BAZ2B: variants seen among roughly 807,000 people sequenced by gnomAD.
BAZ2B encodes bromodomain adjacent to zinc finger domain 2B, also known as bromodomain adjacent to zinc finger domain protein 2B.
BAZ2B carries 91 observed loss-of-function variants against 246.0 expected under a neutral mutation model. The ratio of observed to expected loss-of-function variants is 0.37; its 90% CI spans 0.31 to 0.44. BAZ2B has a LOEUF of 0.44. Among genes scored for constraint, BAZ2B ranks in the 20% least tolerant of loss-of-function variants. The probability of loss-of-function intolerance (pLI) is 1.00; values close to 1 mark genes in which losing one functional copy is unlikely to be tolerated. For synonymous variants in BAZ2B, 855 were observed against 860.0 expected, an observed-to-expected ratio of 0.99 and a Z score of 0.10; for missense variants, 2,332 against 2,533.7, an observed-to-expected ratio of 0.92 and a Z score of 1.71.
intron 6 of BAZ2B, among the ~76,000 whole-genome samples, chr2:159,441,860 T>G (rs1268282813): frequency 6.6e-6 from 1 of 152,214 alleles, no homozygotes; most frequent in Non-Finnish European, 1.5e-5. Flanking sequence ...CTTATTAATT[T>G]TCCCCCATCC....
chr2:159,470,588 A>G (rs2077658699), intron 3 of BAZ2B, among the ~76,000 whole-genome samples: 2 of 152,248 alleles, frequency 1.3e-5, no homozygotes, highest in South Asian at 4.1e-4. Context: ...AACTGCAATG[A>G]TATAGACGAG....
chr2:159,636,519 C>T, the BAZ2B span, among the ~76,000 whole-genome samples: 1 of 152,222 alleles, frequency 6.6e-6, no homozygotes, highest in Non-Finnish European at 1.5e-5. Context: ...AGGGAAATCA[C>T]TCATCGCGGT....
chr2:159,399,229 T>C (rs944821026), intron 17 of BAZ2B, among the ~76,000 whole-genome samples: 56 of 151,856 alleles, frequency 3.7e-4, no homozygotes, highest in African/African-American at 1.3e-3. Flanking sequence ...TATGTCACAT[T>C]GTTTTTCTGA....
chr2:159,423,870 A>G (rs1037315965), intron 13 of BAZ2B, among the ~76,000 whole-genome samples: 3 of 152,160 alleles, frequency 2.0e-5, no homozygotes, highest in Non-Finnish European at 4.4e-5. Flanking sequence ...GAGCGGGGAA[A>G]GTGGTGGCGG....
At chr2:159,374,271 C>A (rs2061179465) in intron 26 of BAZ2B, among the ~76,000 whole-genome samples, 1 of 151,872 alleles carries the variant, frequency 6.6e-6, no homozygotes, top group South Asian at 2.1e-4. Flanking sequence ...AAATAAAACC[C>A]ACAAATATAC....
the BAZ2B span, among the ~76,000 whole-genome samples, chr2:159,625,220 T>C: frequency 7.9e-5 from 12 of 151,820 alleles, no homozygotes; most frequent in Non-Finnish European, 1.5e-5. Flanking sequence ...TGCCTGAAAA[T>C]AACAGAGAGA....
intron 8 of BAZ2B, among the ~76,000 whole-genome samples, chr2:159,436,164 G>A (rs868214911): frequency 6.6e-6 from 1 of 151,988 alleles, no homozygotes; most frequent in Non-Finnish European, 1.5e-5. Flanking sequence ...TTTTTTTATA[G>A]GTAGTAAGTT....
chr2:159,605,888 G>A (rs1159045783), intron 1 of BAZ2B, among the ~76,000 whole-genome samples: 2 of 152,118 alleles, frequency 1.3e-5, no homozygotes, highest in Admixed American at 1.3e-4. Context: ...GTTTTGGCAA[G>A]TGTACCTACA....
rs1185936799 is a variant in BAZ2B, at chr2:159,555,875, G to A, written c.-45-10C>T. ...ATCACTGTTGGGAAACCTGCAATAG[G>A]AAAACAAGAATTAGCAATCAGCTGA... On this transcript the variant is annotated splice_polypyrimidine_tract_variant and intron_variant, in intron 1 of 36. Transcript: ENST00000392783. 6.6e-6 allele frequency: 1 copy of A among 151,700 alleles called. No homozygotes were observed. Among genetic ancestry groups the A allele is most frequent in the African/African-American group, 2.4e-5 (1 of 41,144 alleles). The allele number at this position is 151,700 out of a possible 1,614,324, so 9.4% of individuals were successfully genotyped here.
In BAZ2B at chr2:159,404,836, T is replaced by G; in HGVS notation, c.2832+13A>C. On this transcript the variant is annotated intron_variant, in intron 16 of 36. Transcript: ENST00000392783. ...CCCATATTTTAAAAGTCACTTCCAATGTATACACATACCTGCTGTTTCATA... is the reference window on the plus strand; with the variant it reads ...CCCATATTTTAAAAGTCACTTCCAAGGTATACACATACCTGCTGTTTCATA... 6.2e-7 allele frequency: 1 copy of G among 1,607,872 alleles called. No individual in the cohort carries two copies. Among genetic ancestry groups the G allele is most frequent in the Non-Finnish European group, 8.5e-7 (1 of 1,176,562 alleles).
chr2:159,371,696 G>C (rs1375883123), intron 27 of BAZ2B, among the ~76,000 whole-genome samples: 1 of 152,174 alleles, frequency 6.6e-6, no homozygotes, highest in African/African-American at 2.4e-5. Context: ...CTATTTTAGT[G>C]TAATTCCCCT....
chr2:159,386,341 G>GC lies in BAZ2B; in HGVS notation c.3471+11_3471+12insG. 1 of 1,579,406 alleles carries GC rather than the reference G, an allele frequency of 6.3e-7. No homozygotes were observed. Among genetic ancestry groups the GC allele is most frequent in the Non-Finnish European group, 8.6e-7 (1 of 1,160,098 alleles). On this transcript the variant is annotated intron_variant, in intron 22 of 36. Coordinates refer to ENST00000392783, the MANE Select transcript of BAZ2B (RefSeq NM_013450.4). ...ACAAATTTAAAACATTTTATATTTT[G>GC]TTTTTTTTTACCTTGTATCCTGTTA...
intron 20 of BAZ2B, among the ~76,000 whole-genome samples, chr2:159,392,993 T>C (rs2063528020): frequency 1.5e-5 from 2 of 137,714 alleles, no homozygotes; most frequent in Non-Finnish European, 3.2e-5. Flanking sequence ...AAAAATTATC[T>C]AAAGGCTTTT....
intron 3 of BAZ2B, among the ~76,000 whole-genome samples, chr2:159,475,189 C>T (rs1462843977): frequency 9.9e-5 from 15 of 152,106 alleles, no homozygotes; most frequent in Non-Finnish European, 4.4e-5. Context: ...TTCAGGTGCA[C>T]CAATCAAACA....
At chr2:159,687,490 T>C in the BAZ2B span, among the ~76,000 whole-genome samples, 1 of 152,200 alleles carries the variant, frequency 6.6e-6, no homozygotes, top group Non-Finnish European at 1.5e-5. Flanking sequence ...CATGAAAACC[T>C]TAATCTAACA....
the BAZ2B span, among the ~76,000 whole-genome samples, chr2:159,692,395 T>A: frequency 5.4e-4 from 82 of 152,210 alleles, no homozygotes; most frequent in African/African-American, 1.9e-3. Context: ...TGACCTCAGG[T>A]GATCTGTCCA....
chr2:159,528,310 G>A (rs1486579569), intron 2 of BAZ2B, among the ~76,000 whole-genome samples: 2 of 152,058 alleles, frequency 1.3e-5, no homozygotes, highest in Non-Finnish European at 2.9e-5. Context: ...TAAGCATCAT[G>A]AACAGAGAAG....
intron 18 of BAZ2B, 88 bp from the exon 19 acceptor site, chr2:159,397,477 A>G: frequency 1.3e-6 from 1 of 799,660 alleles, no homozygotes; most frequent in Non-Finnish European, 1.9e-6. Flanking sequence ...CTGAGATTCT[A>G]TAGTTTTTCA....
chr2:159,337,102 A>G, intron 32 of BAZ2B, 25 bp from the exon 33 acceptor site: 1 of 1,600,360 alleles, frequency 6.2e-7, no homozygotes, highest in South Asian at 1.1e-5. Flanking sequence ...AGAAAAATTA[A>G]GTAGGTCATG....
Sources: gnomAD v4.1 joint callset for allele counts (sites outside exome capture counted in the v4.1 genomes callset) on GRCh38, gnomAD v4.1.1 for gene constraint, MANE v1.5 for transcripts, NCBI Gene and HGNC (gene_info 2026-07-23, HGNC 2026-07-21) for gene names.